Variants in MED12L observed in about 807,000 individuals in gnomAD.
The protein encoded by MED12L is mediator complex subunit 12L.
A neutral mutation model predicts 281.3 loss-of-function variants in MED12L; 60 were observed. That is an observed-to-expected ratio of 0.21 (90% confidence interval 0.17 to 0.26). The LOEUF (loss-of-function observed/expected upper bound fraction) is 0.26, where lower values mean the gene tolerates loss of function less well. Ranked by LOEUF, MED12L falls within the 10% of genes least tolerant of loss-of-function variation. The probability of loss-of-function intolerance (pLI) is 1.00; values close to 1 mark genes in which losing one functional copy is unlikely to be tolerated. For synonymous variants in MED12L, 974 were observed against 987.2 expected (o/e 0.99, Z 0.25); for missense variants, 2,146 against 2,680.9 (o/e 0.80, Z 4.41).
chr3:151,306,359 C>T (rs1746650073), intron 16 of MED12L, among the ~76,000 whole-genome samples: 1 of 152,208 alleles, frequency 6.6e-6, no homozygotes, highest in South Asian at 2.1e-4. Flanking sequence ...TGGAGCTTTT[C>T]TCTGTGCCTG....
At chr3:151,249,186 A>G (rs943234175) in intron 16 of MED12L, 1 of 152,200 alleles carries the variant, frequency 6.6e-6, no homozygotes, top group Non-Finnish European at 1.5e-5. Context: ...AGTAAATAGT[A>G]TGAAACCAGC....
At chr3:151,208,066 T>C (rs1192837349) in intron 16 of MED12L, among the ~76,000 whole-genome samples, 3 of 152,224 alleles carry the variant, frequency 2.0e-5, no homozygotes, top group African/African-American at 4.8e-5. Context: ...GGAGCTCTTA[T>C]TTTGAATGGC....
chr3:151,311,724 T>A (rs906835297), intron 16 of MED12L, among the ~76,000 whole-genome samples: 15 of 152,254 alleles, frequency 9.9e-5, no homozygotes, highest in African/African-American at 3.6e-4. Context: ...TATAAATATA[T>A]CTAGTAAACA....
rs191425622 is a variant in MED12L, at chr3:151,281,621, T to C, written c.2251-68438T>C. On this transcript the variant is annotated intron_variant, in intron 16 of 44. Coordinates refer to ENST00000687756, the MANE Select transcript of MED12L (RefSeq NM_001393769.1). ...ATATTTTCCTTTTATCTGTGGTGTT[T>C]TGATTTATGCTAAATAGTTCTGAAT... is the stretch of plus-strand genomic sequence containing the variant. Among the ~76,000 whole-genome samples the C allele has an allele frequency of 1.3e-3, 195 of 152,302 alleles. 2 individuals are homozygous for C. The highest frequency in any genetic ancestry group is 3.4e-3 in the Middle Eastern group (1 of 294).
At position 151,365,212 on chromosome 3, in the gene MED12L, A is replaced by T. The variant is rs1256060053; in HGVS notation, c.3185+6A>T. On this transcript the variant is annotated splice_donor_region_variant and intron_variant, in intron 22 of 44. Transcript: ENST00000687756. ...GGCCATCAGGATGCTGGCAGGTGAG[A>T]TGGGTTACCCTGGAATTCATGATTA... is the stretch of plus-strand genomic sequence containing the variant. The T allele has an allele frequency of 5.0e-6, 8 of 1,609,302 alleles. No individual in the cohort carries two copies. The African/African-American group carries it at 1.1e-4, about 22-fold the overall frequency.
intron 16 of MED12L, among the ~76,000 whole-genome samples, chr3:151,310,514 C>T (rs534292870): frequency 1.3e-5 from 2 of 152,286 alleles, no homozygotes; most frequent in African/African-American, 4.8e-5. Flanking sequence ...GTTATTTCTA[C>T]TCTACATAAT....
chr3:151,122,084 T>C (rs1306641178), intron 3 of MED12L, among the ~76,000 whole-genome samples: 3 of 152,174 alleles, frequency 2.0e-5, no homozygotes, highest in Non-Finnish European at 4.4e-5. Flanking sequence ...TCCTTTCTTT[T>C]TTCCTTGTCC....
chr3:151,165,568 G>A, intron 10 of MED12L, 49 bp downstream of exon 10: 1 of 1,491,248 alleles, frequency 6.7e-7, no homozygotes, highest in Non-Finnish European at 9.3e-7. Flanking sequence ...TGGACTTTAT[G>A]CTGTGTTTTT....
chr3:151,146,181 T>A (rs1365816627), intron 5 of MED12L, among the ~76,000 whole-genome samples: 1 of 152,198 alleles, frequency 6.6e-6, no homozygotes, highest in Non-Finnish European at 1.5e-5. Flanking sequence ...AACGTGTGCG[T>A]TGAACCAGCA....
intron 3 of MED12L, among the ~76,000 whole-genome samples, chr3:151,118,729 C>T (rs370501138): frequency 7.9e-5 from 12 of 151,592 alleles, no homozygotes; most frequent in African/African-American, 1.5e-4. Context: ...AGTCTTGCTC[C>T]GTCGCCCAGG....
intron 24 of MED12L, 115 bp downstream of exon 24, chr3:151,367,881 TGTA>T (rs1755480636): frequency 6.6e-6 from 8 of 1,211,092 alleles, no homozygotes; most frequent in Non-Finnish European, 9.3e-6. Flanking sequence ...TGGGAAGTGG[TGTA>T]GTATCAAGGT....
At chr3:151,091,224 G>T (rs1720002166) in intron 2 of MED12L, among the ~76,000 whole-genome samples, 1 of 152,222 alleles carries the variant, frequency 6.6e-6, no homozygotes, top group Non-Finnish European at 1.5e-5. Context: ...GGCCTGGTGT[G>T]CAGTGCAGGG....
At chr3:151,241,629 TAC>T (rs554224150) in intron 16 of MED12L, among the ~76,000 whole-genome samples, 167 of 152,284 alleles carry the variant, frequency 1.1e-3, no homozygotes, top group African/African-American at 3.9e-3. Context: ...TGTGTGTATA[TAC>T]ACACACAGTA....
chr3:151,214,725 A>G (rs1220368888), intron 16 of MED12L, among the ~76,000 whole-genome samples: 1 of 152,154 alleles, frequency 6.6e-6, no homozygotes, highest in Non-Finnish European at 1.5e-5. Context: ...CTTCTAGGTA[A>G]TACGGAGACC....
intron 38 of MED12L, among the ~76,000 whole-genome samples, chr3:151,391,901 T>C (rs1367238505): frequency 6.6e-6 from 1 of 152,208 alleles, no homozygotes; most frequent in East Asian, 1.9e-4. Flanking sequence ...CAAACTAGAC[T>C]CAGAGTGAAA....
intron 6 of MED12L, among the ~76,000 whole-genome samples, chr3:151,157,479 A>G (rs1002496329): frequency 6.6e-5 from 10 of 152,068 alleles, no homozygotes; most frequent in African/African-American, 2.4e-4. Flanking sequence ...TCTTGAATTT[A>G]CCATCTCTTA....
At chr3:151,096,437 C>G (rs1328379404) in intron 2 of MED12L, among the ~76,000 whole-genome samples, 1 of 148,532 alleles carries the variant, frequency 6.7e-6, no homozygotes, top group African/African-American at 2.5e-5. Flanking sequence ...CTCTCCTGCT[C>G]TTTGGCTTCA....
At chr3:151,324,084 G>A (rs1749302157) in intron 16 of MED12L, among the ~76,000 whole-genome samples, 1 of 152,246 alleles carries the variant, frequency 6.6e-6, no homozygotes, top group Non-Finnish European at 1.5e-5. Flanking sequence ...CTGGGTTTCA[G>A]TCCCAGCTCT....
intron 16 of MED12L, among the ~76,000 whole-genome samples, chr3:151,252,093 G>T (rs867796293): frequency 1.2e-4 from 18 of 152,210 alleles, no homozygotes; most frequent in Middle Eastern, 6.8e-3. Flanking sequence ...CCTATGGGAG[G>T]TTATTCCTGG....
Sources: gnomAD v4.1 joint callset for allele counts (sites outside exome capture counted in the v4.1 genomes callset) on GRCh38, gnomAD v4.1.1 for gene constraint, MANE v1.5 for transcripts, NCBI Gene and HGNC (gene_info 2026-07-23, HGNC 2026-07-21) for gene names.